OR2T1: variants seen among roughly 807,000 people sequenced by gnomAD.
OR2T1 encodes the protein olfactory receptor family 2 subfamily T member 1, also known as olfactory receptor 2T1.
For missense variants in OR2T1, 440 were observed against 390.2 expected, an observed-to-expected ratio of 1.13 and a Z score of -1.07; for synonymous variants, 186 against 145.4, an observed-to-expected ratio of 1.28 and a Z score of -2.01.
Position 248,406,596 on chromosome 1 carries a change from G to A in OR2T1, c.449G>A (p.Gly150Glu), listed in dbSNP as rs761933376. 1.2e-6 allele frequency: 2 copies of A among 1,614,142 alleles called. No homozygotes were observed. Among genetic ancestry groups the A allele is most frequent in the African/African-American group, 1.3e-5 (1 of 75,038 alleles). ...ATGATTATAGCAGGTTCCTGGTTTG[G>A]GGGCTCTTTGGATGGCTTCCTCCTA... is the stretch of plus-strand genomic sequence containing the variant. The part of the protein sequence containing the change: ...CWMIIAGSWF[G>E]GSLDGFLLTP... The change falls in exon 2 of 2, where the codon GGG (glycine) becomes GAG (glutamate). Residue 150 changes from glycine to glutamate, a missense_variant. Coordinates refer to ENST00000642005, the MANE Select transcript of OR2T1 (RefSeq NM_030904.2).
Position 248,406,492 on chromosome 1 carries a change from C to A in OR2T1, c.345C>A (p.Gly115=), listed in dbSNP as rs748104730. ...TGGGAGCTGAATTCTTCCTGCTGGG[C>A]CTCATGGCCTATGACCGCTATGTGG... ...TLVGAEFFLL[G]LMAYDRYVAI... The change falls in exon 2 of 2, where the codon GGC becomes GGA. Residue 115 remains glycine (G), a synonymous_variant. Coordinates refer to ENST00000642005, the MANE Select transcript of OR2T1 (RefSeq NM_030904.2). 6.2e-7 allele frequency: 1 copy of A among 1,614,160 alleles called. No homozygotes were observed. Among genetic ancestry groups the A allele is most frequent in the South Asian group, 1.1e-5 (1 of 91,082 alleles).
chr1:248,404,791 C>T (rs889672246), intron 1 of OR2T1, among the ~76,000 whole-genome samples: 3 of 151,910 alleles, frequency 2.0e-5, no homozygotes, highest in African/African-American at 7.3e-5. Flanking sequence ...AGCTGCTATT[C>T]CCATATAAAG....
Position 248,407,204 on chromosome 1 carries a change from G to A in OR2T1, c.*100G>A. The A allele has an allele frequency of 1.6e-6, 2 of 1,218,306 alleles. No individual in the cohort carries two copies. Among genetic ancestry groups the A allele is most frequent in the Admixed American group, 4.8e-5 (2 of 41,768 alleles). 75.5% of individuals were successfully genotyped at this position (1,218,306 alleles called of 1,614,324 possible). On this transcript the variant is annotated 3_prime_UTR_variant, in exon 2 of 2. Coordinates refer to ENST00000642005, the MANE Select transcript of OR2T1 (RefSeq NM_030904.2). Reference sequence around the variant, plus strand: ...GAAGCAAAAAGGGAGGGAGTCATATGATTACAATATTGGTTTTTTGGCTAG... The same window carrying A: ...GAAGCAAAAAGGGAGGGAGTCATATAATTACAATATTGGTTTTTTGGCTAG...
In OR2T1 at chr1:248,406,264, G is replaced by C. The variant is rs1188815672; in HGVS notation, c.117G>C (p.Met39Ile). 1 of 1,613,936 alleles carries C rather than the reference G, an allele frequency of 6.2e-7. No homozygotes were observed. The highest frequency in any genetic ancestry group is 8.5e-7 in the Non-Finnish European group (1 of 1,180,008). Residue 39 changes from methionine (M) to isoleucine (I), a missense_variant, in exon 2 of 2, where the codon ATG (methionine) becomes ATC (isoleucine). Transcript: ENST00000642005. ...CTATCATCTTCTTCACCGCACTGAT[G>C]GCCAATGGGGTTATGATCTTCCTGA... ...IISIIFFTAL[M>I]ANGVMIFLIQ...
Position 248,406,584 on chromosome 1 carries a change from G to T in OR2T1, c.437G>T (p.Gly146Val). 3 of 1,614,132 alleles carry T rather than the reference G, an allele frequency of 1.9e-6. No individual in the cohort carries two copies. The highest frequency in any genetic ancestry group is 2.5e-6 in the Non-Finnish European group (3 of 1,180,012). ...SRRVCWMIIA[G>V]SWFGGSLDGF... Reference sequence around the variant, plus strand: ...CGGGTCTGTTGGATGATTATAGCAGGTTCCTGGTTTGGGGGCTCTTTGGAT... The same window carrying T: ...CGGGTCTGTTGGATGATTATAGCAGTTTCCTGGTTTGGGGGCTCTTTGGAT... The change falls in exon 2 of 2, where the codon GGT becomes GTT. Residue 146 changes from glycine to valine, a missense_variant. Coordinates refer to ENST00000642005, the MANE Select transcript of OR2T1 (RefSeq NM_030904.2).
intron 1 of OR2T1, 65 bp from the exon 2 acceptor site, chr1:248,406,050 G>A (rs1404440559): frequency 1.2e-6 from 2 of 1,613,112 alleles, no homozygotes; most frequent in Non-Finnish European, 1.7e-6. Flanking sequence ...AAAGTTTGCT[G>A]CCTAACAATT....
intron 1 of OR2T1, among the ~76,000 whole-genome samples, chr1:248,404,019 G>C (rs1042536701): frequency 1.3e-5 from 2 of 151,658 alleles, no homozygotes; most frequent in Non-Finnish European, 2.9e-5. Context: ...ATATATAATG[G>C]ATAAAAGATC....
Position 248,406,489 on chromosome 1 carries a change from G to T in OR2T1, c.342G>T (p.Leu114=), listed in dbSNP as rs781041934. The T allele has an allele frequency of 6.2e-6, 10 of 1,613,984 alleles. No individual in the cohort carries two copies. In the South Asian group the frequency reaches 1.1e-4, roughly 18 times the overall value. Residue 114 remains leucine (L), a synonymous_variant, in exon 2 of 2, where the codon CTG becomes CTT. Transcript: ENST00000642005. The part of the protein sequence containing the change: ...LTLVGAEFFL[L]GLMAYDRYVA... ...TTGTGGGAGCTGAATTCTTCCTGCT[G>T]GGCCTCATGGCCTATGACCGCTATG...
chr1:248,406,230 C>T lies in OR2T1; in HGVS notation c.83C>T (p.Ala28Val). ...AAGGAAACCTCAGGTCTTATTTTTG[C>T]CATCATCTCTATCATCTTCTTCACC... ...NRKETSGLIF[A>V]IISIIFFTAL... The change falls in exon 2 of 2, where the codon GCC becomes GTC. Residue 28 changes from alanine (A) to valine (V), a missense_variant. By Grantham distance (64) the Ala-to-Val change is moderately conservative (BLOSUM62 0). Transcript: ENST00000642005. 6.2e-7 allele frequency: 1 copy of T among 1,614,076 alleles called. No individual in the cohort carries two copies. The highest frequency in any genetic ancestry group is 8.5e-7 in the Non-Finnish European group (1 of 1,180,006).
rs1402506794 is a variant in OR2T1 at position 248,406,243 on chromosome 1, C to T, written c.96C>T (p.Ile32=). 6.2e-7 allele frequency: 1 copy of T among 1,614,136 alleles called. No individual in the cohort carries two copies. The highest frequency in any genetic ancestry group is 8.5e-7 in the Non-Finnish European group (1 of 1,180,026). ...TSGLIFAIIS[I]IFFTALMANG... ...GTCTTATTTTTGCCATCATCTCTATCATCTTCTTCACCGCACTGATGGCCA... is the reference window on the plus strand; with the variant it reads ...GTCTTATTTTTGCCATCATCTCTATTATCTTCTTCACCGCACTGATGGCCA... The change falls in exon 2 of 2, where the codon ATC becomes ATT. Residue 32 remains isoleucine, a synonymous_variant. Transcript: ENST00000642005.
chr1:248,407,232 T>C lies in OR2T1; in HGVS notation c.*128T>C. ...TACAATATTGGTTTTTTGGCTAGGG[T>C]TTCTGGTTCATAACTCCATAGTTAT... On this transcript the variant is annotated 3_prime_UTR_variant, in exon 2 of 2. Coordinates refer to ENST00000642005, the MANE Select transcript of OR2T1 (RefSeq NM_030904.2). The C allele has an allele frequency of 1.1e-6, 1 of 937,740 alleles. No homozygotes were observed. The highest frequency in any genetic ancestry group is 1.6e-6 in the Non-Finnish European group (1 of 637,544). 58.1% of individuals were successfully genotyped at this position (937,740 alleles called of 1,614,324 possible).
At chr1:248,405,425 C>A (rs1470026107) in intron 1 of OR2T1, among the ~76,000 whole-genome samples, 1 of 152,130 alleles carries the variant, frequency 6.6e-6, no homozygotes, top group South Asian at 2.1e-4. Flanking sequence ...TAATCATAAT[C>A]CTAATGCTAA....
chr1:248,407,171 CAAAA>C lies in OR2T1; in HGVS notation c.*68_*71del. The stretch of plus-strand genomic sequence containing the variant: ...GTGGTCACTGTGGCTGTGCTTTCAT[CAAAA>C]GATGAAGCAAAAAGGGAGGGAGTCA... On this transcript the variant is annotated 3_prime_UTR_variant, in exon 2 of 2. Coordinates refer to ENST00000642005, the MANE Select transcript of OR2T1 (RefSeq NM_030904.2). The C allele has an allele frequency of 1.4e-6, 2 of 1,451,236 alleles. No homozygotes were observed. Among genetic ancestry groups the C allele is most frequent in the Non-Finnish European group, 1.9e-6 (2 of 1,077,694 alleles). The allele number at this position is 1,451,236 out of a possible 1,614,324, so 89.9% of individuals were successfully genotyped here.
chr1:248,406,685 G>A lies in OR2T1; in HGVS notation c.538G>A (p.Ala180Thr). The change falls in exon 2 of 2, where the codon GCA becomes ACA. Residue 180 changes from alanine to threonine, a missense_variant. Coordinates refer to ENST00000642005, the MANE Select transcript of OR2T1 (RefSeq NM_030904.2). ...SREINHFFCEAPAVLKLACAD... is the reference protein window; with the variant it reads ...SREINHFFCETPAVLKLACAD... The stretch of plus-strand genomic sequence containing the variant: ...GGAGATTAACCACTTCTTCTGTGAG[G>A]CACCAGCAGTCCTGAAGTTGGCATG... 1 of 1,614,096 alleles carries A rather than the reference G, an allele frequency of 6.2e-7. No homozygotes were observed.
At position 248,406,792 on chromosome 1, in the gene OR2T1, T is replaced by C. The variant is rs1401140003; in HGVS notation, c.645T>C (p.Ala215=). The change falls in exon 2 of 2, where the codon GCT becomes GCC. Residue 215 remains alanine, a synonymous_variant. Transcript: ENST00000642005. ...MLLIPFSVVL[A]SYARILTTVQ... ...TGATTCCTTTCTCTGTAGTCCTTGCTTCCTATGCCCGAATCCTGACTACAG... is the reference window on the plus strand; with the variant it reads ...TGATTCCTTTCTCTGTAGTCCTTGCCTCCTATGCCCGAATCCTGACTACAG... 2 of 1,614,192 alleles carry C rather than the reference T, an allele frequency of 1.2e-6. No individual in the cohort carries two copies. The highest frequency in any genetic ancestry group is 2.2e-5 in the South Asian group (2 of 91,084).
chr1:248,405,290 A>C (rs1661531154), intron 1 of OR2T1, among the ~76,000 whole-genome samples: 1 of 152,140 alleles, frequency 6.6e-6, no homozygotes, highest in Non-Finnish European at 1.5e-5. Flanking sequence ...AGTTTTTCTT[A>C]ATTATGAAGA....
Position 248,406,211 on chromosome 1 carries a change from A to T in OR2T1, c.64A>T (p.Thr22Ser), listed in dbSNP as rs897943933. The T allele has an allele frequency of 2.5e-6, 4 of 1,613,950 alleles. No homozygotes were observed. The highest frequency in any genetic ancestry group is 3.4e-6 in the Non-Finnish European group (4 of 1,180,014). The stretch of plus-strand genomic sequence containing the variant: ...CATGGGGCTGTTCAACAGAAAGGAA[A>T]CCTCAGGTCTTATTTTTGCCATCAT... ...TFMGLFNRKE[T>S]SGLIFAIISI... Residue 22 changes from threonine (T) to serine (S), a missense_variant, in exon 2 of 2, where the codon ACC becomes TCC. Coordinates refer to ENST00000642005, the MANE Select transcript of OR2T1 (RefSeq NM_030904.2).
At chr1:248,403,698 T>A (rs1041480236) in intron 1 of OR2T1, among the ~76,000 whole-genome samples, 3 of 152,168 alleles carry the variant, frequency 2.0e-5, no homozygotes, top group Non-Finnish European at 2.9e-5. Flanking sequence ...CCAGGAGATA[T>A]TCAACAAGTA....
chr1:248,406,702 G>T lies in OR2T1; in HGVS notation c.555G>T (p.Lys185Asn). 1.9e-6 allele frequency: 3 copies of T among 1,614,150 alleles called. No individual in the cohort carries two copies. The highest frequency in any genetic ancestry group is 2.5e-6 in the Non-Finnish European group (3 of 1,180,010). The change falls in exon 2 of 2, where the codon AAG becomes AAT. Residue 185 changes from lysine (K) to asparagine (N), a missense_variant. Transcript: ENST00000642005. ...TCTGTGAGGCACCAGCAGTCCTGAA[G>T]TTGGCATGTGCAGACACAGCCCTCT... ...HFFCEAPAVL[K>N]LACADTALYE...
Sources: allele counts gnomAD v4.1 joint callset (sites outside exome capture counted in the v4.1 genomes callset), GRCh38; gene constraint gnomAD v4.1.1; transcripts MANE v1.5; gene names NCBI Gene and HGNC (gene_info 2026-07-23, HGNC 2026-07-21).